The following SH2B1 variants were observed in gnomAD, a reference collection of about 807,000 sequenced individuals.
The protein encoded by SH2B1 is SH2B adaptor protein 1.
SH2B1 carries 15 observed loss-of-function variants against 62.6 expected under a neutral mutation model. That is an observed-to-expected ratio of 0.24 (90% CI 0.16 to 0.37). The LOEUF (loss-of-function observed/expected upper bound fraction) is 0.37, where lower values mean the gene tolerates loss of function less well. SH2B1 is among the 10% of genes least tolerant of loss of function. SH2B1 has a pLI of 1.00. For synonymous variants in SH2B1, 443 were observed against 438.0 expected, an observed-to-expected ratio of 1.01 and a Z score of -0.14; for missense variants, 925 against 1,015.6, an observed-to-expected ratio of 0.91 and a Z score of 1.21.
intron 1 of SH2B1, among the ~76,000 whole-genome samples, chr16:28,852,747 TACA>T (rs1962181324): frequency 4.0e-5 from 2 of 49,670 alleles, no homozygotes; most frequent in African/African-American, 1.6e-4. Flanking sequence ...TATATATATT[TACA>T]TATATATGTA....
At chr16:28,852,196 T>TTATATATTTACATATATATTTTTACATA (rs1962115516) in intron 1 of SH2B1, among the ~76,000 whole-genome samples, 2 of 82,906 alleles carry the variant, frequency 2.4e-5, no homozygotes, top group African/African-American at 1.1e-4. Flanking sequence ...ATATTTTTAT[T>TTATATATTTACATATATATTTTTACATA]TATATATTTA....
chr16:28,852,915 C>CAT lies in SH2B1; in HGVS notation c.-301+6097_-301+6098dup, dbSNP rs536692830. Among the ~76,000 whole-genome samples, 2 of 44,696 alleles carry CAT rather than the reference C, an allele frequency of 4.5e-5. 1 individual carries two copies. The highest frequency in any genetic ancestry group is 8.3e-5 in the Non-Finnish European group (2 of 24,056). The allele number at this position is 44,696 out of a possible 152,430, so 29.3% of individuals were successfully genotyped here. ...ACATATATTTTTATATATACATGTA[C>CAT]ATATATATATTTTTATATATATGTA... On this transcript the variant is annotated intron_variant, in intron 1 of 10. Coordinates refer to the SH2B1 transcript ENST00000322610.
At chr16:28,859,426 A>G (rs184099520), upstream of SH2B1, among the ~76,000 whole-genome samples, 18 of 152,164 alleles carry the variant, frequency 1.2e-4, no homozygotes, top group Non-Finnish European at 1.6e-4. Context: ...CTCATCAGAC[A>G]CCCCTGTTTT....
upstream of SH2B1, chr16:28,863,412 C>A (rs1346780330): frequency 1.2e-5 from 5 of 422,222 alleles, no homozygotes; most frequent in East Asian, 4.3e-5. Flanking sequence ...TCGCTCAGCT[C>A]CTTGGTGGCG....
At chr16:28,860,645 T>G (rs7201929), upstream of SH2B1, among the ~76,000 whole-genome samples, 1 of 151,976 alleles carries the variant, frequency 6.6e-6, no homozygotes, top group Admixed American at 6.6e-5. Flanking sequence ...TAGTTATCAA[T>G]GCCTTCTAGA....
chr16:28,864,755 A>G lies in SH2B1; in HGVS notation c.-1340A>G. 2.8e-6 allele frequency: 2 copies of G among 712,356 alleles called. No individual in the cohort carries two copies. Among genetic ancestry groups the G allele is most frequent in the Non-Finnish European group, 3.4e-6 (2 of 580,590 alleles). The allele number at this position is 712,356 out of a possible 1,614,324, so 44.1% of individuals were successfully genotyped here. A position where few individuals can be genotyped will look rare whatever the true frequency, so the allele number is the denominator to read the frequency against. Reference sequence around the variant, plus strand: ...CCCAGCTCTGCCACTTTCTAGTTGTAAGACCTTGAGAGGGCTCCTCCTTTC... The same window carrying G: ...CCCAGCTCTGCCACTTTCTAGTTGTGAGACCTTGAGAGGGCTCCTCCTTTC... On this transcript the variant is annotated 5_prime_UTR_variant, in exon 1 of 8. Transcript: ENST00000684370.
In SH2B1 at chr16:28,873,336, G is replaced by A; in HGVS notation, c.1898-111G>A. The A allele has an allele frequency of 6.3e-7, 1 of 1,592,892 alleles. No individual in the cohort carries two copies. The highest frequency in any genetic ancestry group is 1.1e-5 in the South Asian group (1 of 90,024). Reference sequence around the variant, plus strand: ...TCCATGGATGGGGGGTTGCTCAGGAGATGGGATGTGGGGAGACAGCCACGC... The same window carrying A: ...TCCATGGATGGGGGGTTGCTCAGGAAATGGGATGTGGGGAGACAGCCACGC... On this transcript the variant is annotated intron_variant, in intron 7 of 7. Coordinates refer to ENST00000684370, the MANE Select transcript of SH2B1 (RefSeq NM_001387430.1). The surrounding 1 kb of genome is among the most constrained non-coding windows in gnomAD (Gnocchi z 4.2).
rs1048765512 is a variant in SH2B1, at chr16:28,872,083, A to G, written c.1513+100A>G. 9 of 1,359,848 alleles carry G rather than the reference A, an allele frequency of 6.6e-6. No homozygotes were observed. The African/African-American group carries it at 1.0e-4, about 15-fold the overall frequency. 84.2% of individuals were successfully genotyped at this position (1,359,848 alleles called of 1,614,324 possible). On this transcript the variant is annotated intron_variant, in intron 5 of 7. Coordinates refer to ENST00000684370, the MANE Select transcript of SH2B1 (RefSeq NM_001387430.1). The surrounding 1 kb of genome is among the most constrained non-coding windows in gnomAD (Gnocchi z 5.3). ...GGGAGCTGGCCCAGGGGAGTTGGGG[A>G]CGCATGTGGGGAGCAGGCGCCTTGA...
At position 28,864,292 on chromosome 16, in the gene SH2B1, C is replaced by T. The variant is rs1962567075; in HGVS notation, c.-1803C>T. 1 of 998,608 alleles carries T rather than the reference C, an allele frequency of 1.0e-6. No individual in the cohort carries two copies. Among genetic ancestry groups the T allele is most frequent in the Non-Finnish European group, 1.2e-6 (1 of 837,900 alleles). 61.9% of individuals were successfully genotyped at this position (998,608 alleles called of 1,614,324 possible). On this transcript the variant is annotated 5_prime_UTR_variant, in exon 1 of 8. Coordinates refer to ENST00000684370, the MANE Select transcript of SH2B1 (RefSeq NM_001387430.1). ...GTGCACCGGGAAAATGTGTCTGAGTCCTGCTTGGCAGAAGAGAAACTGAGT... is the reference window on the plus strand; with the variant it reads ...GTGCACCGGGAAAATGTGTCTGAGTTCTGCTTGGCAGAAGAGAAACTGAGT...
At chr16:28,854,222 G>A (rs907145116) in intron 1 of SH2B1, among the ~76,000 whole-genome samples, 5 of 151,816 alleles carry the variant, frequency 3.3e-5, no homozygotes, top group Non-Finnish European at 5.9e-5. Context: ...GATCACTTGA[G>A]CCCAGGAGGT....
upstream of SH2B1, chr16:28,863,735 C>G: frequency 6.5e-7 from 1 of 1,535,734 alleles, no homozygotes; most frequent in South Asian, 1.2e-5. Flanking sequence ...GGGTCGGCGC[C>G]GAGTGGGAGG....
At position 28,866,981 on chromosome 16, in the gene SH2B1, G is replaced by A. The variant is rs1962748533; in HGVS notation, c.887G>A (p.Ser296Asn). ...QWQKCRLLLR[S>N]EGEGGGGSRL... is the part of the protein sequence containing the mutation. ...CAGAAGTGTCGCCTGCTGCTTCGAA[G>A]TGAAGGAGAAGGAGGAGGAGGAAGT... The change falls in exon 1 of 8, where the codon AGT (serine) becomes AAT (asparagine). Residue 296 changes from serine (S) to asparagine (N), a missense_variant. By Grantham distance (46) the Ser-to-Asn change is conservative. Coordinates refer to ENST00000684370, the MANE Select transcript of SH2B1 (RefSeq NM_001387430.1). The surrounding 1 kb of genome is among the most constrained non-coding windows in gnomAD (Gnocchi z 6.3). The A allele has an allele frequency of 3.7e-6, 6 of 1,604,752 alleles. No individual in the cohort carries two copies. The highest frequency in any genetic ancestry group is 5.1e-6 in the Non-Finnish European group (6 of 1,179,962).
chr16:28,867,448 C>T lies in SH2B1; in HGVS notation c.1041+16C>T. On this transcript the variant is annotated intron_variant, in intron 2 of 7. Coordinates refer to ENST00000684370, the MANE Select transcript of SH2B1 (RefSeq NM_001387430.1). ...TGTGGTTAAGGTAGGAATTCAACTTCCCAGCCGCCGGCAGTGCTTGTGTTA... is the reference window on the plus strand; with the variant it reads ...TGTGGTTAAGGTAGGAATTCAACTTTCCAGCCGCCGGCAGTGCTTGTGTTA... The T allele has an allele frequency of 1.9e-6, 3 of 1,588,168 alleles. No individual in the cohort carries two copies. The highest frequency in any genetic ancestry group is 2.6e-6 in the Non-Finnish European group (3 of 1,156,406).
intron 1 of SH2B1, among the ~76,000 whole-genome samples, chr16:28,856,191 T>C (rs1189921173): frequency 6.7e-6 from 1 of 150,242 alleles, no homozygotes; most frequent in Non-Finnish European, 1.5e-5. Context: ...GGAGAATCAC[T>C]TGAATCCGGA....
At position 28,873,274 on chromosome 16, in the gene SH2B1, G is replaced by A. The variant is rs1963148694; in HGVS notation, c.1898-173G>A. 6.2e-7 allele frequency: 1 copy of A among 1,606,224 alleles called. No individual in the cohort carries two copies. The highest frequency in any genetic ancestry group is 8.5e-7 in the Non-Finnish European group (1 of 1,177,590). On this transcript the variant is annotated intron_variant, in intron 7 of 7. Transcript: ENST00000684370. This position sits in a 1 kb window ranked among gnomAD's most constrained non-coding sequence, Gnocchi z 4.2. Reference sequence around the variant, plus strand: ...CTTCGGAGCGAGTGACTGTGTGTAAGTGTGGTCCTCCTCTCACCACCGCCC... The same window carrying A: ...CTTCGGAGCGAGTGACTGTGTGTAAATGTGGTCCTCCTCTCACCACCGCCC...
Position 28,864,037 on chromosome 16 carries a change from G to C in SH2B1, c.-2058G>C. ...CCGAGAGGATTCCTGGGTGGGGGTGGGCGTGGAGGGCCGGGGGCTGGAGAG... is the reference window on the plus strand; with the variant it reads ...CCGAGAGGATTCCTGGGTGGGGGTGCGCGTGGAGGGCCGGGGGCTGGAGAG... On this transcript the variant is annotated 5_prime_UTR_variant, in exon 1 of 8. Transcript: ENST00000684370. The C allele has an allele frequency of 7.2e-7, 1 of 1,386,968 alleles. No homozygotes were observed. The highest frequency in any genetic ancestry group is 1.5e-5 in the South Asian group (1 of 66,562). The allele number at this position is 1,386,968 out of a possible 1,614,324, so 85.9% of individuals were successfully genotyped here. A position where few individuals can be genotyped will look rare whatever the true frequency, so the allele number is the denominator to read the frequency against.
At chr16:28,871,024 TG>T (rs1567470820) in intron 4 of SH2B1, among the ~76,000 whole-genome samples, 82 of 151,110 alleles carry the variant, frequency 5.4e-4, no homozygotes, top group African/African-American at 1.7e-3. Flanking sequence ...TGTGTGTGTG[TG>T]TGTGTGTTTT....
At chr16:28,852,773 T>TATATTTAC (rs1962185484) in intron 1 of SH2B1, among the ~76,000 whole-genome samples, 1 of 43,634 alleles carries the variant, frequency 2.3e-5, no homozygotes, top group African/African-American at 8.7e-5. Flanking sequence ...TATATATTTA[T>TATATTTAC]ATATATATTT....
rs1412965513 is a variant in SH2B1 at position 28,869,403 on chromosome 16, G to C, written c.1309+20G>C. On this transcript the variant is annotated intron_variant, in intron 4 of 7. Transcript: ENST00000684370. ...CGCAGGGTAAGGGTGGAGCCTTAGAGAGCTCGGAGCCTCGGAACCTGCCAT... is the reference window on the plus strand; with the variant it reads ...CGCAGGGTAAGGGTGGAGCCTTAGACAGCTCGGAGCCTCGGAACCTGCCAT... 1.3e-6 allele frequency: 2 copies of C among 1,599,290 alleles called. No individual in the cohort carries two copies. Among genetic ancestry groups the C allele is most frequent in the East Asian group, 4.5e-5 (2 of 44,528 alleles).
Sources: allele counts gnomAD v4.1 joint callset (sites outside exome capture counted in the v4.1 genomes callset), GRCh38; gene constraint gnomAD v4.1.1; non-coding constraint Gnocchi (gnomAD v3.1); transcripts MANE v1.5; gene names NCBI Gene and HGNC (gene_info 2026-07-23, HGNC 2026-07-21).